The following PPP1R42 variants were observed in gnomAD, a reference collection of about 807,000 sequenced individuals.
The protein encoded by PPP1R42 is leucine rich repeat containing 67.
PPP1R42 carries 34 observed loss-of-function variants against 31.0 expected under a neutral mutation model. That is an observed-to-expected ratio of 1.10 (90% CI 0.83 to 1.46). The LOEUF (loss-of-function observed/expected upper bound fraction) is 1.46. Ranked by LOEUF, PPP1R42 falls within the 40% of genes most tolerant of loss-of-function variation. PPP1R42 has a pLI of 0.00. For missense variants in PPP1R42, 268 were observed against 303.0 expected (o/e 0.88, Z 0.86); for synonymous variants, 103 against 109.8 (o/e 0.94, Z 0.39).
At position 67,016,748 on chromosome 8, in the gene PPP1R42, C is replaced by T. The variant is rs1039665015; in HGVS notation, c.129+871G>A. 8.5e-5 allele frequency among the ~76,000 whole-genome samples: 13 copies of T among 152,254 alleles called. No individual in the cohort carries two copies. In the East Asian group the frequency reaches 9.7e-4, roughly 11 times the overall value. Reference sequence around the variant, plus strand: ...GCTGTATTACAGGTGTGACCCACCACGCTTAGCCAGGATAAATTCTTTAGT... The same window carrying T: ...GCTGTATTACAGGTGTGACCCACCATGCTTAGCCAGGATAAATTCTTTAGT... On this transcript the variant is annotated intron_variant, in intron 2 of 7. Coordinates refer to ENST00000685739, the MANE Select transcript of PPP1R42 (RefSeq NM_001364910.1).
intron 2 of PPP1R42, among the ~76,000 whole-genome samples, chr8:67,015,819 G>A (rs939662602): frequency 1.9e-4 from 29 of 152,244 alleles, no homozygotes; most frequent in African/African-American, 7.0e-4. Flanking sequence ...AAATAGACAA[G>A]CGGTAAAGTG....
intron 7 of PPP1R42, chr8:66,970,790 C>T (rs769492218): frequency 1.2e-5 from 7 of 593,254 alleles, no homozygotes; most frequent in South Asian, 7.6e-5. Context: ...CCCTTCCCAT[C>T]GTAACTTTCT....
At chr8:67,026,288 A>G (rs1816394519) in intron 1 of PPP1R42, among the ~76,000 whole-genome samples, 1 of 151,892 alleles carries the variant, frequency 6.6e-6, no homozygotes, top group Admixed American at 6.6e-5. Context: ...TGGTGAGCCA[A>G]GATTGCACCA....
chr8:66,993,491 T>G (rs1218443909), intron 5 of PPP1R42, among the ~76,000 whole-genome samples: 1 of 152,216 alleles, frequency 6.6e-6, no homozygotes, highest in Non-Finnish European at 1.5e-5. Context: ...TTTGCCATGC[T>G]CCAACCTGCC....
At chr8:66,985,446 T>G (rs920545674) in intron 6 of PPP1R42, 1 of 830,142 alleles carries the variant, frequency 1.2e-6, no homozygotes, top group African/African-American at 1.7e-5. Context: ...CAATGCACCC[T>G]TGCTCATCTA....
intron 6 of PPP1R42, among the ~76,000 whole-genome samples, chr8:66,986,962 G>A (rs573140302): frequency 1.3e-5 from 2 of 152,206 alleles, no homozygotes; most frequent in Admixed American, 6.5e-5. Context: ...TCAGGAGTTC[G>A]AGACCAGCCT....
chr8:66,978,300 A>C (rs1317347244), intron 7 of PPP1R42, among the ~76,000 whole-genome samples: 2 of 152,102 alleles, frequency 1.3e-5, no homozygotes, highest in Non-Finnish European at 2.9e-5. Context: ...CTATCACAAG[A>C]ACAGTATGGG....
chr8:67,000,172 T>TTTAA (rs1815441739), intron 5 of PPP1R42, among the ~76,000 whole-genome samples: 1 of 152,136 alleles, frequency 6.6e-6, no homozygotes, highest in Admixed American at 6.5e-5. Flanking sequence ...TTAATTTACA[T>TTTAA]GTATTTTTCT....
intron 2 of PPP1R42, 46 bp from the exon 3 acceptor site, chr8:67,014,638 C>A: frequency 7.2e-7 from 1 of 1,391,732 alleles, no homozygotes; most frequent in Non-Finnish European, 9.7e-7. Flanking sequence ...CTCCTGAAAA[C>A]TTAAAAGTTT....
intron 2 of PPP1R42, among the ~76,000 whole-genome samples, chr8:67,016,706 C>G (rs1816025968): frequency 6.6e-6 from 1 of 152,098 alleles, no homozygotes; most frequent in African/African-American, 2.4e-5. Flanking sequence ...GAGACGTAGT[C>G]TCACTTTGTT....
intron 7 of PPP1R42, among the ~76,000 whole-genome samples, chr8:66,972,398 A>T (rs544213296): frequency 2.0e-5 from 3 of 150,944 alleles, no homozygotes; most frequent in Admixed American, 2.0e-4. Context: ...TTTAGAGACC[A>T]TTTTTTTTTG....
intron 5 of PPP1R42, among the ~76,000 whole-genome samples, chr8:67,002,249 G>A (rs1815514047): frequency 1.3e-5 from 2 of 151,986 alleles, no homozygotes; most frequent in South Asian, 4.1e-4. Flanking sequence ...GCCCAGGCTG[G>A]AGTGCAATGG....
At chr8:66,997,521 G>A (rs998760971) in intron 5 of PPP1R42, among the ~76,000 whole-genome samples, 4 of 149,034 alleles carry the variant, frequency 2.7e-5, no homozygotes, top group Admixed American at 2.0e-4. Context: ...TAGGATTACA[G>A]ATGTGAGCCA....
intron 3 of PPP1R42, 114 bp from the exon 4 acceptor site, chr8:67,013,210 G>A: frequency 1.3e-6 from 1 of 794,676 alleles, no homozygotes. Flanking sequence ...TATAAATGTG[G>A]AATGTTGTGT....
At chr8:67,008,830 T>A (rs1332541723) in intron 5 of PPP1R42, among the ~76,000 whole-genome samples, 2 of 152,152 alleles carry the variant, frequency 1.3e-5, no homozygotes, top group African/African-American at 4.8e-5. Flanking sequence ...CTAAGAGTAA[T>A]CATGTAGGCA....
chr8:67,001,076 T>G (rs1258240425), intron 5 of PPP1R42, among the ~76,000 whole-genome samples: 1 of 152,168 alleles, frequency 6.6e-6, no homozygotes, highest in African/African-American at 2.4e-5. Flanking sequence ...CTGGTAATAT[T>G]TCTTGTCCTA....
chr8:66,997,670 T>G (rs1439498191), intron 5 of PPP1R42, among the ~76,000 whole-genome samples: 1 of 151,636 alleles, frequency 6.6e-6, no homozygotes, highest in Non-Finnish European at 1.5e-5. Context: ...CCTCAGCCTT[T>G]TGGGTAGCTG....
At chr8:66,979,336 T>G (rs1814763902) in intron 7 of PPP1R42, among the ~76,000 whole-genome samples, 1 of 152,152 alleles carries the variant, frequency 6.6e-6, no homozygotes, top group Non-Finnish European at 1.5e-5. Context: ...ATTTCAAGAT[T>G]AGCTTGGGCA....
At position 66,988,536 on chromosome 8, in the gene PPP1R42, A is replaced by G; in HGVS notation, c.553-19T>C. 6.3e-7 allele frequency: 1 copy of G among 1,589,302 alleles called. No individual in the cohort carries two copies. The highest frequency in any genetic ancestry group is 8.5e-7 in the Non-Finnish European group (1 of 1,170,136). On this transcript the variant is annotated intron_variant, in intron 5 of 7. Coordinates refer to ENST00000685739, the MANE Select transcript of PPP1R42 (RefSeq NM_001364910.1). ...CCAAATCCTATAATTAGAGAAGAAA[A>G]AGCAAAGCACAAGCATTTCATATTT...
Sources: gnomAD v4.1 joint callset for allele counts (sites outside exome capture counted in the v4.1 genomes callset) on GRCh38, gnomAD v4.1.1 for gene constraint, MANE v1.5 for transcripts, NCBI Gene and HGNC (gene_info 2026-07-23, HGNC 2026-07-21) for gene names.